The following SV2C variants were observed in gnomAD, a reference collection of about 807,000 sequenced individuals.
SV2C encodes synaptic vesicle glycoprotein 2C.
Under a neutral mutation model 79.7 loss-of-function variants are expected in SV2C, and 49 were observed. The observed-to-expected ratio is 0.61, with a 90% CI of 0.49 to 0.78. The LOEUF (loss-of-function observed/expected upper bound fraction) is 0.78. SV2C is among the 30% of genes least tolerant of loss of function. The pLI, the probability that SV2C is intolerant of heterozygous loss-of-function variation, is 0.00. For synonymous variants in SV2C, 334 were observed against 333.2 expected (o/e 1.00, Z -0.03); for missense variants, 833 against 912.9 (o/e 0.91, Z 1.13).
At chr5:75,942,749 G>A in the SV2C span, among the ~76,000 whole-genome samples, 79 of 152,248 alleles carry the variant, frequency 5.2e-4, no homozygotes, top group African/African-American at 1.5e-3. Flanking sequence ...AAGTGCTTCC[G>A]TCAGTAACTT....
chr5:75,962,931 C>A, the SV2C span, among the ~76,000 whole-genome samples: 1 of 152,028 alleles, frequency 6.6e-6, no homozygotes, highest in Admixed American at 6.6e-5. Flanking sequence ...CAAAAGTACA[C>A]AACAAATGGT....
downstream of SV2C, among the ~76,000 whole-genome samples, chr5:76,336,861 A>C (rs1749340239): frequency 1.3e-5 from 2 of 152,210 alleles, no homozygotes; most frequent in Admixed American, 1.3e-4. Context: ...GGATGATGGC[A>C]AGTACAGGAA....
the SV2C span, among the ~76,000 whole-genome samples, chr5:75,952,628 C>T: frequency 6.6e-6 from 1 of 151,722 alleles, no homozygotes; most frequent in East Asian, 1.9e-4. Flanking sequence ...GAGTCTGAGA[C>T]CTCCTCCTTC....
chr5:75,983,058 A>C, the SV2C span, among the ~76,000 whole-genome samples: 2 of 152,164 alleles, frequency 1.3e-5, no homozygotes, highest in Admixed American at 1.3e-4. Context: ...TCTGTACAAC[A>C]AACCCTCATG....
the SV2C span, among the ~76,000 whole-genome samples, chr5:75,905,621 T>C: frequency 6.6e-5 from 10 of 152,234 alleles, no homozygotes; most frequent in South Asian, 6.2e-4. Flanking sequence ...GCAGTTGGGA[T>C]GTCCAGCTCA....
At chr5:75,878,670 A>G in the SV2C span, among the ~76,000 whole-genome samples, 1 of 152,120 alleles carries the variant, frequency 6.6e-6, no homozygotes, top group Non-Finnish European at 1.5e-5. Context: ...TGGTCCTGAT[A>G]TAAGATAATC....
chr5:75,907,121 A>C, the SV2C span, among the ~76,000 whole-genome samples: 1 of 152,214 alleles, frequency 6.6e-6, no homozygotes, highest in Non-Finnish European at 1.5e-5. Context: ...ACCACTGGCC[A>C]TATCATTGAC....
In SV2C at chr5:76,222,386, A is replaced by G. The variant is rs75611368; in HGVS notation, c.913+12499A>G. On this transcript the variant is annotated intron_variant, in intron 4 of 12. Coordinates refer to ENST00000502798, the MANE Select transcript of SV2C (RefSeq NM_014979.4). Reference sequence around the variant, plus strand: ...GGCCAATCTCAAAAGGCATTTATGTAACATTCTAGAAATGACAAATATAGA... The same window carrying G: ...GGCCAATCTCAAAAGGCATTTATGTGACATTCTAGAAATGACAAATATAGA... 7.6e-3 allele frequency among the ~76,000 whole-genome samples: 1,156 copies of G among 152,280 alleles called. 21 individuals are homozygous for G. Among genetic ancestry groups the G allele is most frequent in the African/African-American group, 0.027 (1,120 of 41,556 alleles).
chr5:75,987,436 T>C, the SV2C span, among the ~76,000 whole-genome samples: 3 of 152,050 alleles, frequency 2.0e-5, no homozygotes, highest in Admixed American at 1.3e-4. Context: ...CTTGCAACTA[T>C]GAGGCCAAAT....
At chr5:75,873,688 C>A in the SV2C span, among the ~76,000 whole-genome samples, 216 of 152,080 alleles carry the variant, frequency 1.4e-3, 1 homozygote, top group African/African-American at 4.2e-3. Context: ...TGATACACTT[C>A]AAAAATTGTT....
chr5:76,101,997 C>T (rs1747757067), intron 1 of SV2C, among the ~76,000 whole-genome samples: 1 of 152,156 alleles, frequency 6.6e-6, no homozygotes, highest in African/African-American at 2.4e-5. Flanking sequence ...AGGTCACTGT[C>T]ATCTCTCACT....
At chr5:76,136,864 G>A (rs567571736) in intron 2 of SV2C, among the ~76,000 whole-genome samples, 17 of 152,324 alleles carry the variant, frequency 1.1e-4, no homozygotes, top group African/African-American at 2.2e-4. Context: ...TGTGGTAGGC[G>A]TAGTAGTGTT....
the SV2C span, among the ~76,000 whole-genome samples, chr5:75,987,474 A>G: frequency 6.6e-6 from 1 of 151,974 alleles, no homozygotes; most frequent in African/African-American, 2.4e-5. Flanking sequence ...GATAGAGCAG[A>G]GAGTTGGAAA....
chr5:76,305,609 C>CTT (rs1438438418), intron 12 of SV2C, among the ~76,000 whole-genome samples: 1 of 152,012 alleles, frequency 6.6e-6, no homozygotes, highest in African/African-American at 2.4e-5. Context: ...AATTTTGTGT[C>CTT]TTTTATAAGT....
the SV2C span, among the ~76,000 whole-genome samples, chr5:75,965,775 G>C: frequency 1.7e-4 from 26 of 151,894 alleles, no homozygotes; most frequent in African/African-American, 6.3e-4. Flanking sequence ...TGTTGCTAGG[G>C]ATACAGGAAG....
the SV2C span, among the ~76,000 whole-genome samples, chr5:76,073,503 G>GTATATATATATATATATATA: frequency 3.0e-5 from 2 of 67,412 alleles, 1 homozygote; most frequent in Non-Finnish European, 5.5e-5. Flanking sequence ...GTATGTGTGT[G>GTATATATATATATATATATA]TATATATATA....
At chr5:76,243,697 A>G (rs576700978) in intron 4 of SV2C, among the ~76,000 whole-genome samples, 1 of 152,216 alleles carries the variant, frequency 6.6e-6, no homozygotes, top group South Asian at 2.1e-4. Flanking sequence ...CAAGACAACC[A>G]GTGTGGTCCT....
At chr5:75,936,234 A>G in the SV2C span, among the ~76,000 whole-genome samples, 1 of 151,938 alleles carries the variant, frequency 6.6e-6, no homozygotes, top group Admixed American at 6.6e-5. Context: ...TTTGACATCT[A>G]TTTCTCCTGA....
the SV2C span, among the ~76,000 whole-genome samples, chr5:75,896,064 T>A: frequency 6.6e-6 from 1 of 152,148 alleles, no homozygotes; most frequent in Non-Finnish European, 1.5e-5. Context: ...TTTTTTATTT[T>A]ATTTTATTAT....
Sources: gnomAD v4.1 joint callset for allele counts (sites outside exome capture counted in the v4.1 genomes callset) on GRCh38, gnomAD v4.1.1 for gene constraint, MANE v1.5 for transcripts, NCBI Gene and HGNC (gene_info 2026-07-23, HGNC 2026-07-21) for gene names.